CDH12: variants seen among roughly 807,000 people sequenced by gnomAD.
CDH12 encodes the protein cadherin-12.
In CDH12, 41 loss-of-function variants were observed where a neutral mutation model predicts 74.1. The ratio of observed to expected loss-of-function variants is 0.55; its 90% CI spans 0.43 to 0.72. CDH12 has a LOEUF of 0.72. CDH12 is among the 30% of genes least tolerant of loss of function. The pLI is 0.00. For synonymous variants in CDH12, 399 were observed against 355.0 expected, an observed-to-expected ratio of 1.12 and a Z score of -1.39; for missense variants, 945 against 977.2, an observed-to-expected ratio of 0.97 and a Z score of 0.44.
chr5:22,723,635 C>T (rs2126993188), intron 1 of CDH12, among the ~76,000 whole-genome samples: 1 of 152,136 alleles, frequency 6.6e-6, no homozygotes, highest in Admixed American at 6.5e-5. Context: ...AGTCTAGAAC[C>T]TTCATAACCT....
intron 3 of CDH12, among the ~76,000 whole-genome samples, chr5:22,335,786 C>A (rs971809257): frequency 3.3e-5 from 5 of 152,020 alleles, no homozygotes; most frequent in Admixed American, 1.3e-4. Flanking sequence ...ATGTCTTTAT[C>A]AGCAGTGTGA....
At chr5:22,676,649 T>C (rs1741205471) in intron 1 of CDH12, among the ~76,000 whole-genome samples, 1 of 152,202 alleles carries the variant, frequency 6.6e-6, no homozygotes, top group African/African-American at 2.4e-5. Context: ...ATAGAGAAGA[T>C]AATACAGAAT....
chr5:21,844,331 G>A (rs1302780812), intron 7 of CDH12, among the ~76,000 whole-genome samples: 1 of 148,840 alleles, frequency 6.7e-6, no homozygotes, highest in East Asian at 2.0e-4. Context: ...GTTTGGCTTA[G>A]TACCCAGATT....
At chr5:22,624,617 C>T (rs1392334011) in intron 1 of CDH12, among the ~76,000 whole-genome samples, 2 of 152,184 alleles carry the variant, frequency 1.3e-5, no homozygotes, top group African/African-American at 4.8e-5. Context: ...GAGATACCAT[C>T]TCACACCAGT....
chr5:22,835,330 A>C (rs1321447852), intron 1 of CDH12, among the ~76,000 whole-genome samples: 3 of 152,160 alleles, frequency 2.0e-5, no homozygotes, highest in Non-Finnish European at 4.4e-5. Flanking sequence ...AGATTTGTAA[A>C]ATATGGAAAA....
intron 3 of CDH12, among the ~76,000 whole-genome samples, chr5:22,317,958 G>A (rs527659135): frequency 2.2e-4 from 33 of 152,224 alleles, no homozygotes; most frequent in African/African-American, 7.9e-4. Context: ...AATCATCCAG[G>A]CAACTAAGGC....
At chr5:22,055,731 AAAAT>A (rs1740692436) in intron 5 of CDH12, among the ~76,000 whole-genome samples, 1 of 152,082 alleles carries the variant, frequency 6.6e-6, no homozygotes, top group African/African-American at 2.4e-5. Flanking sequence ...TAAAATCATA[AAAAT>A]AAAAACATAA....
At chr5:22,049,911 T>G (rs1462923424) in intron 5 of CDH12, among the ~76,000 whole-genome samples, 2 of 152,166 alleles carry the variant, frequency 1.3e-5, no homozygotes, top group African/African-American at 4.8e-5. Flanking sequence ...GCTATCAAAG[T>G]GAAATCGTGG....
intron 1 of CDH12, among the ~76,000 whole-genome samples, chr5:22,624,059 T>C (rs1738134735): frequency 1.3e-5 from 2 of 152,028 alleles, no homozygotes; most frequent in Non-Finnish European, 1.5e-5. Flanking sequence ...AACCAAGAAA[T>C]GGGGAAAGGA....
At chr5:22,115,936 T>C (rs554870610) in intron 4 of CDH12, among the ~76,000 whole-genome samples, 61 of 152,202 alleles carry the variant, frequency 4.0e-4, no homozygotes, top group African/African-American at 1.4e-3. Context: ...GTGATCCGCC[T>C]GGCTTGGCCT....
chr5:22,326,421 G>A (rs1174601245), intron 3 of CDH12, among the ~76,000 whole-genome samples: 2 of 152,102 alleles, frequency 1.3e-5, no homozygotes, highest in Non-Finnish European at 2.9e-5. Flanking sequence ...ATTTTTAGTA[G>A]AGACGGGGTT....
At chr5:22,416,851 C>G (rs775801584) in intron 2 of CDH12, among the ~76,000 whole-genome samples, 2 of 152,046 alleles carry the variant, frequency 1.3e-5, no homozygotes, top group Non-Finnish European at 2.9e-5. Context: ...CAGGACTGTA[C>G]GGTTTTAACT....
chr5:21,786,188 C>G (rs1424063949), intron 10 of CDH12, among the ~76,000 whole-genome samples: 2 of 152,160 alleles, frequency 1.3e-5, no homozygotes, highest in Admixed American at 1.3e-4. Flanking sequence ...GACTCTTGCT[C>G]TGTCACCCAG....
chr5:22,294,023 CAT>C (rs1737518380), intron 3 of CDH12, among the ~76,000 whole-genome samples: 1 of 151,986 alleles, frequency 6.6e-6, no homozygotes, highest in African/African-American at 2.4e-5. Flanking sequence ...ATGTTAACTA[CAT>C]ATGTTAATTA....
rs143927873 is a variant in CDH12 at position 21,893,076 on chromosome 5, C to G, written c.527-38286G>C. 1.5e-3 allele frequency among the ~76,000 whole-genome samples: 226 copies of G among 152,268 alleles called. 2 individuals carry two copies. Among genetic ancestry groups the G allele is most frequent in the Admixed American group, 0.01 (159 of 15,280 alleles). On this transcript the variant is annotated intron_variant, in intron 6 of 14. Coordinates refer to ENST00000382254, the MANE Select transcript of CDH12 (RefSeq NM_004061.5). The stretch of plus-strand genomic sequence containing the variant: ...CTTTATCTTCTATAGTAACAAAGTT[C>G]TCCCGCATCTTGCTCTTGTTCTTAT...
rs367741739 is a variant in CDH12 at position 22,491,696 on chromosome 5, C to T, written c.-428+13574G>A. Among the ~76,000 whole-genome samples the T allele has an allele frequency of 3.4e-4, 51 of 151,938 alleles. No homozygotes were observed. In the East Asian group the frequency reaches 6.2e-3, roughly 18 times the overall value. ...GAAAGTTTACAAATTTGTGTTGGAC[C>T]ACATTCAGAGCCATCCTGGACCACT... is the stretch of plus-strand genomic sequence containing the variant. On this transcript the variant is annotated intron_variant, in intron 2 of 14. Coordinates refer to ENST00000382254, the MANE Select transcript of CDH12 (RefSeq NM_004061.5).
At chr5:22,456,566 G>A (rs1434387448) in intron 2 of CDH12, among the ~76,000 whole-genome samples, 4 of 151,778 alleles carry the variant, frequency 2.6e-5, no homozygotes, top group African/African-American at 4.8e-5. Flanking sequence ...GATTTAACAC[G>A]TGCCCAATCA....
At chr5:22,822,213 C>T (rs1369627693) in intron 1 of CDH12, among the ~76,000 whole-genome samples, 14 of 152,114 alleles carry the variant, frequency 9.2e-5, no homozygotes, top group Admixed American at 7.2e-4. Flanking sequence ...CTTCCTTACA[C>T]CTTATACAAA....
intron 3 of CDH12, among the ~76,000 whole-genome samples, chr5:22,367,631 G>A (rs1741089070): frequency 6.6e-6 from 1 of 152,076 alleles, no homozygotes; most frequent in South Asian, 2.1e-4. Context: ...TACATAAGAA[G>A]TTTCCTTATG....
Sources: allele counts gnomAD v4.1 joint callset (sites outside exome capture counted in the v4.1 genomes callset), GRCh38; gene constraint gnomAD v4.1.1; transcripts MANE v1.5; gene names NCBI Gene and HGNC (gene_info 2026-07-23, HGNC 2026-07-21).